NXPE2: variants seen among roughly 807,000 people sequenced by gnomAD.
NXPE2 encodes neurexophilin and PC-esterase domain family member 2.
NXPE2 carries 34 observed loss-of-function variants against 34.4 expected under a neutral mutation model. The observed-to-expected ratio is 0.99, with a 90% confidence interval of 0.75 to 1.31. NXPE2 has a LOEUF of 1.31. NXPE2 is among the 40% of genes most tolerant of loss of function. The pLI is 0.00. For synonymous variants in NXPE2, 235 were observed against 231.3 expected, an observed-to-expected ratio of 1.02 and a Z score of -0.15; for missense variants, 649 against 672.5, an observed-to-expected ratio of 0.97 and a Z score of 0.39.
chr11:114,538,831 T>C, the NXPE2 span, among the ~76,000 whole-genome samples: 2 of 152,202 alleles, frequency 1.3e-5, no homozygotes, highest in African/African-American at 4.8e-5. Context: ...TTTACATTGT[T>C]GGTGGGACTG....
At chr11:114,545,329 G>T in the NXPE2 span, among the ~76,000 whole-genome samples, 11 of 152,170 alleles carry the variant, frequency 7.2e-5, no homozygotes, top group African/African-American at 2.4e-4. Flanking sequence ...TCTTCAGTAG[G>T]TGAATATAGA....
chr11:114,698,174 A>G lies in NXPE2; in HGVS notation c.262A>G (p.Met88Val). 1.2e-6 allele frequency: 2 copies of G among 1,614,210 alleles called. No individual in the cohort carries two copies. The highest frequency in any genetic ancestry group is 8.5e-7 in the Non-Finnish European group (1 of 1,180,010). Residue 88 changes from methionine to valine, a missense_variant, in exon 3 of 6, where the codon ATG becomes GTG. Transcript: ENST00000389586. ...KETELRIKDI[M>V]EKLDQQIPPR... Reference sequence around the variant, plus strand: ...GACTGAACTTAGAATAAAGGACATTATGGAGAAACTAGACCAGCAGATCCC... The same window carrying G: ...GACTGAACTTAGAATAAAGGACATTGTGGAGAAACTAGACCAGCAGATCCC...
At chr11:114,481,047 CA>C in the NXPE2 span, among the ~76,000 whole-genome samples, 1 of 152,058 alleles carries the variant, frequency 6.6e-6, no homozygotes, top group African/African-American at 2.4e-5. Context: ...ATTTCTATCC[CA>C]GGGGATAAAT....
At chr11:114,571,040 A>G in the NXPE2 span, 1 of 1,613,580 alleles carries the variant, frequency 6.2e-7, no homozygotes, top group South Asian at 1.1e-5. Context: ...CCCAGGCATC[A>G]ATGATACTCA....
chr11:114,497,238 G>A, the NXPE2 span, among the ~76,000 whole-genome samples: 1 of 152,058 alleles, frequency 6.6e-6, no homozygotes, highest in African/African-American at 2.4e-5. Context: ...TTAATTTTTA[G>A]CAAAATTTAA....
At chr11:114,488,444 T>A in the NXPE2 span, among the ~76,000 whole-genome samples, 1 of 152,144 alleles carries the variant, frequency 6.6e-6, no homozygotes, top group African/African-American at 2.4e-5. Flanking sequence ...AAACATCAAC[T>A]TTCCTAGTTG....
the NXPE2 span, among the ~76,000 whole-genome samples, chr11:114,781,522 A>G: frequency 2.0e-5 from 3 of 152,216 alleles, no homozygotes; most frequent in Admixed American, 1.3e-4. Flanking sequence ...GGTAGTGGTA[A>G]AATGAGTTGG....
the NXPE2 span, among the ~76,000 whole-genome samples, chr11:114,813,187 T>C: frequency 2.6e-5 from 4 of 152,142 alleles, no homozygotes; most frequent in East Asian, 1.9e-4. Context: ...CACCCAGTGG[T>C]TATAATCAAA....
the NXPE2 span, among the ~76,000 whole-genome samples, chr11:114,507,445 A>G: frequency 2.0e-5 from 3 of 152,162 alleles, no homozygotes; most frequent in Non-Finnish European, 4.4e-5. Flanking sequence ...ATAAAAAAAT[A>G]AGACTTCAGG....
At chr11:114,751,441 C>T in the NXPE2 span, among the ~76,000 whole-genome samples, 1 of 152,012 alleles carries the variant, frequency 6.6e-6, no homozygotes, top group African/African-American at 2.4e-5. Context: ...CTGAATATAT[C>T]TATACACAGA....
the NXPE2 span, among the ~76,000 whole-genome samples, chr11:114,472,829 A>G: frequency 2.6e-5 from 4 of 152,208 alleles, no homozygotes; most frequent in Admixed American, 2.6e-4. Flanking sequence ...CATGGCAAAC[A>G]TATGGGTTCA....
At chr11:114,724,673 C>T in the NXPE2 span, among the ~76,000 whole-genome samples, 1 of 151,946 alleles carries the variant, frequency 6.6e-6, no homozygotes, top group East Asian at 1.9e-4. Context: ...TGCACACCCC[C>T]CGCCACCACC....
At chr11:114,581,643 A>G in the NXPE2 span, 2 of 1,148,786 alleles carry the variant, frequency 1.7e-6, no homozygotes, top group Non-Finnish European at 2.6e-6. Flanking sequence ...GGACTGAAAC[A>G]GTGAACAAAT....
At chr11:114,571,337 C>T in the NXPE2 span, 5 of 1,614,050 alleles carry the variant, frequency 3.1e-6, no homozygotes, top group South Asian at 5.5e-5. Flanking sequence ...GGTACTCCAT[C>T]TCTTTGACTG....
At chr11:114,663,598 T>TATC in the NXPE2 span, among the ~76,000 whole-genome samples, 6 of 96,392 alleles carry the variant, frequency 6.2e-5, no homozygotes, top group African/African-American at 1.1e-4. Context: ...TCTATCTATC[T>TATC]ATCTATCTAT....
chr11:114,507,873 G>A, the NXPE2 span, among the ~76,000 whole-genome samples: 1 of 152,122 alleles, frequency 6.6e-6, no homozygotes, highest in East Asian at 1.9e-4. Context: ...ATTCAACATA[G>A]TATTGGAAGT....
chr11:114,809,431 A>T, the NXPE2 span, among the ~76,000 whole-genome samples: 72 of 150,182 alleles, frequency 4.8e-4, no homozygotes, highest in Non-Finnish European at 8.4e-4. Flanking sequence ...ACATGATTGT[A>T]TATCTAGAAA....
the NXPE2 span, among the ~76,000 whole-genome samples, chr11:114,620,889 G>A: frequency 2.6e-5 from 4 of 152,090 alleles, no homozygotes; most frequent in Admixed American, 1.3e-4. Context: ...ATTGCCTCAC[G>A]GGTAACCACA....
At chr11:114,594,733 CTT>C in the NXPE2 span, 1 of 1,587,152 alleles carries the variant, frequency 6.3e-7, no homozygotes, top group Non-Finnish European at 8.6e-7. Context: ...CCAATAGTGA[CTT>C]ATAATTTATC....
Sources: gnomAD v4.1 joint callset for allele counts (sites outside exome capture counted in the v4.1 genomes callset) on GRCh38, gnomAD v4.1.1 for gene constraint, MANE v1.5 for transcripts, NCBI Gene and HGNC (gene_info 2026-07-23, HGNC 2026-07-21) for gene names.